HBS1L: variants seen among roughly 807,000 people sequenced by gnomAD.
HBS1L encodes the protein HBS1 like translational GTPase.
HBS1L carries 55 observed loss-of-function variants against 88.9 expected under a neutral mutation model. That is an observed-to-expected ratio of 0.62 (90% CI 0.50 to 0.77). The LOEUF (loss-of-function observed/expected upper bound fraction) is 0.77, where lower values mean the gene tolerates loss of function less well. HBS1L is among the 30% of genes least tolerant of loss of function. The pLI is 0.00. For synonymous variants in HBS1L, 267 were observed against 288.5 expected (o/e 0.93, Z 0.76); for missense variants, 741 against 829.3 (o/e 0.89, Z 1.31).
chr6:135,037,858 C>T lies in HBS1L; in HGVS notation c.430+1715G>A, dbSNP rs369027533. The T allele has an allele frequency of 8.5e-4, 1,318 of 1,546,722 alleles. 7 individuals carry two copies. The African/African-American group carries it at 0.012, about 14-fold the overall frequency. On this transcript the variant is annotated intron_variant, in intron 4 of 17. Coordinates refer to ENST00000367837, the MANE Select transcript of HBS1L (RefSeq NM_006620.4). ...TTTACGTGTGTCAAGTTTCTTTTTT[C>T]TATGGAGTAAACAGTGAGTTGGAAC...
At chr6:134,987,496 A>C (rs901371267) in intron 9 of HBS1L, 149 bp downstream of exon 9, 5 of 507,586 alleles carry the variant, frequency 9.9e-6, no homozygotes, top group Non-Finnish European at 1.6e-5. Flanking sequence ...CTAACACCTC[A>C]TTTATTTAAG....
At chr6:135,037,923 A>G (rs1368478962) in intron 4 of HBS1L, 6 of 1,551,086 alleles carry the variant, frequency 3.9e-6, no homozygotes, top group Non-Finnish European at 4.4e-6. Flanking sequence ...CTACTGAGCT[A>G]GCAAAATCAA....
intron 4 of HBS1L, chr6:135,037,112 G>A: frequency 1.3e-6 from 2 of 1,551,496 alleles, no homozygotes; most frequent in Non-Finnish European, 1.7e-6. Context: ...AAATTCTCAA[G>A]GTCTCTTGTG....
At chr6:135,001,351 T>A (rs922324407) in intron 5 of HBS1L, among the ~76,000 whole-genome samples, 1 of 152,216 alleles carries the variant, frequency 6.6e-6, no homozygotes, top group Admixed American at 6.5e-5. Context: ...TTCATTTAGA[T>A]ACCTATGCAT....
chr6:134,965,738 G>A (rs1378255465), intron 17 of HBS1L, among the ~76,000 whole-genome samples: 2 of 152,212 alleles, frequency 1.3e-5, no homozygotes. Context: ...CAAATGGGCA[G>A]TGTAACTCTG....
chr6:135,046,276 T>A (rs1029868461), intron 2 of HBS1L, among the ~76,000 whole-genome samples: 3 of 152,002 alleles, frequency 2.0e-5, no homozygotes, highest in South Asian at 2.1e-4. Context: ...AGTACTGTTG[T>A]AGCAAGTTAT....
intron 7 of HBS1L, among the ~76,000 whole-genome samples, chr6:134,994,076 A>G (rs905067773): frequency 6.6e-6 from 1 of 152,136 alleles, no homozygotes; most frequent in African/African-American, 2.4e-5. Flanking sequence ...TTTTAACATA[A>G]AAGGGAGGAC....
intron 4 of HBS1L, among the ~76,000 whole-genome samples, chr6:135,035,705 C>T (rs1412364628): frequency 7.6e-6 from 1 of 131,360 alleles, no homozygotes; most frequent in South Asian, 2.5e-4. Context: ...GAGCAGAGAT[C>T]GCGCCACTGC....
At chr6:134,990,906 G>A (rs1239655256) in intron 8 of HBS1L, among the ~76,000 whole-genome samples, 1 of 152,020 alleles carries the variant, frequency 6.6e-6, no homozygotes, top group African/African-American at 2.4e-5. Context: ...GAATTCAGAA[G>A]TATTTTTTAC....
intron 15 of HBS1L, among the ~76,000 whole-genome samples, chr6:134,976,039 A>G (rs1774634170): frequency 6.6e-6 from 1 of 152,150 alleles, no homozygotes; most frequent in Non-Finnish European, 1.5e-5. Context: ...AGAATCTACA[A>G]AAGACTCAAA....
At position 134,962,184 on chromosome 6, in the gene HBS1L, CTG is replaced by C. The variant is rs1220489504; in HGVS notation, c.*3093_*3094del. On this transcript the variant is annotated 3_prime_UTR_variant, in exon 18 of 18. Coordinates refer to ENST00000367837, the MANE Select transcript of HBS1L (RefSeq NM_006620.4). The stretch of plus-strand genomic sequence containing the variant: ...CCTACTTGTCTTGATTTTTTGAAAA[CTG>C]TATAATTTTGAATAACTTCTATATA... 5 of 152,074 alleles carry C rather than the reference CTG, an allele frequency of 3.3e-5. No homozygotes were observed. The highest frequency in any genetic ancestry group is 6.6e-5 in the Admixed American group (1 of 15,262). 9.4% of individuals were successfully genotyped at this position (152,074 alleles called of 1,614,324 possible).
At position 135,000,222 on chromosome 6, in the gene HBS1L, A is replaced by ATTTTTTTTTTTTTTTTTTT. The variant is rs33946758; in HGVS notation, c.539+2511_539+2512insAAAAAAAAAAAAAAAAAAA. 1.1e-4 allele frequency among the ~76,000 whole-genome samples: 14 copies of ATTTTTTTTTTTTTTTTTTT among 129,440 alleles called. 1 individual carries two copies. The highest frequency in any genetic ancestry group is 4.5e-4 in the African/African-American group (13 of 28,876). 84.9% of individuals were successfully genotyped at this position (129,440 alleles called of 152,430 possible). On this transcript the variant is annotated intron_variant, in intron 5 of 17. Coordinates refer to ENST00000367837, the MANE Select transcript of HBS1L (RefSeq NM_006620.4). ...AGGCAAGCACCACTATACCCAGCTA[A>ATTTTTTTTTTTTTTTTTTT]TTTTTTTTTTTTTTTGGTAGAGATG...
At chr6:135,012,029 G>A (rs1371449247) in intron 4 of HBS1L, among the ~76,000 whole-genome samples, 2 of 151,666 alleles carry the variant, frequency 1.3e-5, no homozygotes, top group Non-Finnish European at 2.9e-5. Flanking sequence ...GCAGAGGAAA[G>A]GGGAAAAAAA....
intron 8 of HBS1L, among the ~76,000 whole-genome samples, chr6:134,988,466 C>T (rs1042210637): frequency 1.4e-5 from 2 of 145,802 alleles, no homozygotes; most frequent in African/African-American, 2.5e-5. Context: ...ACATAAAAAA[C>T]CCCAAAACAA....
At chr6:135,045,105 G>A (rs140390624) in intron 2 of HBS1L, among the ~76,000 whole-genome samples, 5 of 149,954 alleles carry the variant, frequency 3.3e-5, no homozygotes, top group Non-Finnish European at 5.9e-5. Flanking sequence ...GAAGTATTGG[G>A]TCGCTGCAAA....
intron 2 of HBS1L, among the ~76,000 whole-genome samples, chr6:135,046,759 T>C (rs916846431): frequency 2.0e-5 from 3 of 152,200 alleles, no homozygotes; most frequent in Non-Finnish European, 2.9e-5. Context: ...TTCCAATTAA[T>C]TGATAAAGTC....
rs773767632 is a variant in HBS1L, at chr6:135,042,047, T to A, written c.189A>T (p.Glu63Asp). The change falls in exon 3 of 18, where the codon GAA becomes GAT. Residue 63 changes from glutamate (E) to aspartate (D), a missense_variant. Glu to Asp is a conservative substitution (Grantham distance 45). This residue lies in a region of HBS1L where 556 missense variants were observed against 598.4 expected (regional missense o/e 0.93). Coordinates refer to ENST00000367837, the MANE Select transcript of HBS1L (RefSeq NM_006620.4). ...VEEYDYEDLK[E>D]SSNSVSNHQL... Reference sequence around the variant, plus strand: ...GATGGTTTGAAACAGAATTGGAAGATTCTTTCAGATCTTCATAATCATATT... The same window carrying A: ...GATGGTTTGAAACAGAATTGGAAGAATCTTTCAGATCTTCATAATCATATT... 1.2e-6 allele frequency: 2 copies of A among 1,613,618 alleles called. No homozygotes were observed. The highest frequency in any genetic ancestry group is 1.7e-6 in the Non-Finnish European group (2 of 1,179,776).
intron 12 of HBS1L, chr6:134,983,631 A>ATGGTACCATG: frequency 6.6e-6 from 1 of 152,190 alleles, no homozygotes; most frequent in Non-Finnish European, 1.5e-5. Flanking sequence ...TACCCCTAAA[A>ATGGTACCATG]GAACACTCTC....
intron 4 of HBS1L, chr6:135,036,295 C>G (rs562884268): frequency 2.9e-6 from 3 of 1,040,260 alleles, no homozygotes; most frequent in Non-Finnish European, 3.5e-6. Flanking sequence ...TATATGAGGT[C>G]TGATTTCACA....
Sources: allele counts gnomAD v4.1 joint callset (sites outside exome capture counted in the v4.1 genomes callset), GRCh38; gene constraint gnomAD v4.1.1; regional missense constraint gnomAD v4.1.1; transcripts MANE v1.5; gene names NCBI Gene and HGNC (gene_info 2026-07-23, HGNC 2026-07-21).